Variants in PCDHAC1 observed in about 807,000 individuals in gnomAD.
PCDHAC1 encodes protocadherin alpha-C1.
A neutral mutation model predicts 60.0 loss-of-function variants in PCDHAC1; 42 were observed. The ratio of observed to expected loss-of-function variants is 0.70; its 90% CI spans 0.55 to 0.90. PCDHAC1 has a LOEUF of 0.90. PCDHAC1 is among the 40% of genes least tolerant of loss of function. The probability of loss-of-function intolerance (pLI) is 0.00; values close to 1 mark genes in which losing one functional copy is unlikely to be tolerated. For synonymous variants in PCDHAC1, 468 were observed against 499.3 expected, an observed-to-expected ratio of 0.94 and a Z score of 0.84; for missense variants, 1,160 against 1,222.3, an observed-to-expected ratio of 0.95 and a Z score of 0.76.
At chr5:140,966,505 A>T in intron 1 of PCDHAC1, 1 of 427,984 alleles carries the variant, frequency 2.3e-6, no homozygotes, top group Non-Finnish European at 4.1e-6. Context: ...CTGTAGCGGC[A>T]GCAGCAGCAG....
intron 1 of PCDHAC1, among the ~76,000 whole-genome samples, chr5:140,932,720 G>A (rs868927369): frequency 6.6e-5 from 10 of 151,848 alleles, no homozygotes; most frequent in Non-Finnish European, 1.5e-5. Flanking sequence ...CAATAATATT[G>A]TATAATATAG....
At chr5:140,931,444 A>T (rs2087532526) in intron 1 of PCDHAC1, among the ~76,000 whole-genome samples, 1 of 135,860 alleles carries the variant, frequency 7.4e-6, no homozygotes, top group Non-Finnish European at 1.6e-5. Context: ...TTAGCTATTT[A>T]AAAGGAAAAA....
chr5:140,988,560 T>C (rs1184536302), intron 3 of PCDHAC1, among the ~76,000 whole-genome samples: 3 of 152,138 alleles, frequency 2.0e-5, no homozygotes, highest in Admixed American at 2.0e-4. Context: ...CATCTTCTTC[T>C]TGGGAAAACA....
At chr5:140,970,332 G>A (rs1236073527) in intron 1 of PCDHAC1, among the ~76,000 whole-genome samples, 12 of 152,138 alleles carry the variant, frequency 7.9e-5, no homozygotes, top group Admixed American at 2.6e-4. Flanking sequence ...TCCAAAGCAT[G>A]CATTCATTTT....
intron 1 of PCDHAC1, among the ~76,000 whole-genome samples, chr5:140,971,016 A>G (rs1554232958): frequency 6.6e-6 from 1 of 152,208 alleles, no homozygotes; most frequent in African/African-American, 2.4e-5. Flanking sequence ...AAGTCTTTAG[A>G]TCGTAGCATT....
chr5:141,001,058 A>G (rs1554257985), intron 3 of PCDHAC1, among the ~76,000 whole-genome samples: 2 of 152,146 alleles, frequency 1.3e-5, no homozygotes, highest in African/African-American at 4.8e-5. Flanking sequence ...TAAATCATTT[A>G]AAATTAAATA....
At chr5:140,985,982 G>A (rs1380609067) in intron 3 of PCDHAC1, among the ~76,000 whole-genome samples, 3 of 151,940 alleles carry the variant, frequency 2.0e-5, no homozygotes, top group East Asian at 1.9e-4. Flanking sequence ...CTCGTGATCC[G>A]CCCACCTCAG....
intron 3 of PCDHAC1, among the ~76,000 whole-genome samples, chr5:140,991,081 AAAATT>A (rs782742337): frequency 6.6e-6 from 1 of 152,236 alleles, no homozygotes. Flanking sequence ...TTCAGATAAA[AAAATT>A]AAAGCTCATA....
At chr5:140,993,431 C>T (rs1171497178) in intron 3 of PCDHAC1, among the ~76,000 whole-genome samples, 1 of 149,406 alleles carries the variant, frequency 6.7e-6, no homozygotes, top group African/African-American at 2.5e-5. Context: ...TTTTAAAATC[C>T]TTATTCATTC....
intron 1 of PCDHAC1, chr5:140,969,110 C>G (rs1380719565): frequency 2.5e-6 from 4 of 1,614,064 alleles, no homozygotes; most frequent in South Asian, 2.2e-5. Context: ...CATTGAAGTT[C>G]GAGGGAATGG....
chr5:140,962,516 A>C (rs1554226093), intron 1 of PCDHAC1, among the ~76,000 whole-genome samples: 1 of 152,208 alleles, frequency 6.6e-6, no homozygotes, highest in Non-Finnish European at 1.5e-5. Flanking sequence ...ACTATCAATA[A>C]TATATTAGTT....
intron 1 of PCDHAC1, chr5:140,930,288 T>A (rs2086713135): frequency 6.6e-6 from 1 of 152,212 alleles, no homozygotes; most frequent in African/African-American, 2.4e-5. Context: ...CAAATACACT[T>A]AACAAATAAG....
chr5:140,961,938 C>T (rs1443851298), intron 1 of PCDHAC1, among the ~76,000 whole-genome samples: 3 of 151,024 alleles, frequency 2.0e-5, no homozygotes, highest in African/African-American at 7.3e-5. Flanking sequence ...GGCTGGAGTG[C>T]AGTGGCATGA....
chr5:140,945,455 A>G (rs2093793181), intron 1 of PCDHAC1, among the ~76,000 whole-genome samples: 1 of 152,192 alleles, frequency 6.6e-6, no homozygotes, highest in African/African-American at 2.4e-5. Flanking sequence ...AACTTCCCTA[A>G]AATTTGCATG....
chr5:140,941,194 TC>T lies in PCDHAC1; in HGVS notation c.2433+11870del, dbSNP rs1420421121. 9.3e-3 allele frequency among the ~76,000 whole-genome samples: 1,044 copies of T among 112,328 alleles called. 8 individuals carry two copies. The highest frequency in any genetic ancestry group is 0.018 in the Admixed American group (200 of 11,012). 73.7% of individuals were successfully genotyped at this position (112,328 alleles called of 152,430 possible). The stretch of plus-strand genomic sequence containing the variant: ...CTTGAACATCCTGCTTCTTTTTTTT[TC>T]TTTCTTCCTTTCTTTCTTCCTTTCT... On this transcript the variant is annotated intron_variant, in intron 1 of 3. Coordinates refer to ENST00000253807, the MANE Select transcript of PCDHAC1 (RefSeq NM_018898.5).
intron 3 of PCDHAC1, among the ~76,000 whole-genome samples, chr5:141,009,108 A>G (rs529319870): frequency 5.3e-5 from 8 of 152,346 alleles, no homozygotes; most frequent in African/African-American, 1.9e-4. Context: ...TGTTACTATG[A>G]AACTAGATTC....
intron 1 of PCDHAC1, among the ~76,000 whole-genome samples, chr5:140,945,282 T>C (rs1554216856): frequency 6.6e-6 from 1 of 152,062 alleles, no homozygotes; most frequent in African/African-American, 2.4e-5. Context: ...TTTAAAACAT[T>C]GATGAAAGAA....
rs782194896 is a variant in PCDHAC1 at position 140,992,662 on chromosome 5, G to A, written c.2581+10099G>A. Among the ~76,000 whole-genome samples, 4 of 152,160 alleles carry A rather than the reference G, an allele frequency of 2.6e-5. 1 individual carries two copies. The highest frequency in any genetic ancestry group is 5.9e-5 in the Non-Finnish European group (4 of 68,028). ...GAAAATAGAAGAAAGAGCCTGATTGGTGTGTATGTGTGTGTTAGGGGTTGA... is the reference window on the plus strand; with the variant it reads ...GAAAATAGAAGAAAGAGCCTGATTGATGTGTATGTGTGTGTTAGGGGTTGA... On this transcript the variant is annotated intron_variant, in intron 3 of 3. Transcript: ENST00000253807.
Position 140,927,682 on chromosome 5 carries a change from T to C in PCDHAC1, c.790T>C (p.Ser264Pro). ...TCAAGCCTTGGATCCAGATGAAGGGTCCAATGGGGAAGTCCAGTACTCCCT... is the reference window on the plus strand; with the variant it reads ...TCAAGCCTTGGATCCAGATGAAGGGCCCAATGGGGAAGTCCAGTACTCCCT... ...RVQALDPDEG[S>P]NGEVQYSLSN... The change falls in exon 1 of 4, where the codon TCC becomes CCC. Residue 264 changes from serine (S) to proline (P), a missense_variant. This residue lies in a region of PCDHAC1 where 1,113 missense variants were observed against 1,163.7 expected (regional missense o/e 0.96). Coordinates refer to ENST00000253807, the MANE Select transcript of PCDHAC1 (RefSeq NM_018898.5). 1 of 1,613,992 alleles carries C rather than the reference T, an allele frequency of 6.2e-7. No homozygotes were observed. The highest frequency in any genetic ancestry group is 8.5e-7 in the Non-Finnish European group (1 of 1,179,992).
Sources: gnomAD v4.1 joint callset for allele counts (sites outside exome capture counted in the v4.1 genomes callset) on GRCh38, gnomAD v4.1.1 for gene constraint, gnomAD v4.1.1 regional missense constraint, MANE v1.5 for transcripts, NCBI Gene and HGNC (gene_info 2026-07-23, HGNC 2026-07-21) for gene names.